RXFP2: variants seen among roughly 807,000 people sequenced by gnomAD.
The protein encoded by RXFP2 is relaxin family peptide receptor 2.
In RXFP2, 68 loss-of-function variants were observed where a neutral mutation model predicts 88.6. That is an observed-to-expected ratio of 0.77 (90% confidence interval 0.63 to 0.94). The LOEUF is 0.94. Ranked by LOEUF, RXFP2 falls within the 40% of genes least tolerant of loss-of-function variation. The pLI is 0.00. For synonymous variants in RXFP2, 329 were observed against 306.8 expected, an observed-to-expected ratio of 1.07 and a Z score of -0.76; for missense variants, 791 against 893.9, an observed-to-expected ratio of 0.88 and a Z score of 1.47.
chr13:31,745,403 A>T (rs1566211366), intron 1 of RXFP2, among the ~76,000 whole-genome samples: 1 of 152,078 alleles, frequency 6.6e-6, no homozygotes, highest in Non-Finnish European at 1.5e-5. Context: ...CAGTGGTATC[A>T]CCACTTCTTT....
chr13:31,792,983 G>T lies in RXFP2; in HGVS notation c.1681G>T (p.Asp561Tyr). 6.2e-7 allele frequency: 1 copy of T among 1,613,984 alleles called. No homozygotes were observed. The highest frequency in any genetic ancestry group is 8.5e-7 in the Non-Finnish European group (1 of 1,179,928). The change falls in exon 16 of 18, where the codon GAT becomes TAT. Residue 561 changes from aspartate (D) to tyrosine (Y), a missense_variant. By Grantham distance (160) the Asp-to-Tyr change is radical. Transcript: ENST00000298386. ...AGCTGTAATTCCATTTTGGAATAAG[G>T]ATTATTTTGGAAACTTTTATGGGAA... ...LIAVIPFWNK[D>Y]YFGNFYGKNG...
chr13:31,754,536 G>GA (rs370053719), intron 1 of RXFP2, among the ~76,000 whole-genome samples: 12 of 145,850 alleles, frequency 8.2e-5, no homozygotes, highest in Non-Finnish European at 1.1e-4. Context: ...ATCTCAAGAA[G>GA]AAAAAAAAAA....
At chr13:31,759,110 C>T (rs911113149) in intron 2 of RXFP2, among the ~76,000 whole-genome samples, 1 of 151,178 alleles carries the variant, frequency 6.6e-6, no homozygotes, top group Admixed American at 6.6e-5. Flanking sequence ...ATAGAACAGA[C>T]CTATACTGAG....
intron 16 of RXFP2, among the ~76,000 whole-genome samples, chr13:31,796,814 A>G (rs1442119065): frequency 6.6e-6 from 1 of 152,256 alleles, no homozygotes; most frequent in Non-Finnish European, 1.5e-5. Context: ...TAATTTGAAA[A>G]TCCAAAATTT....
At chr13:31,761,301 A>G (rs1268445406) in intron 2 of RXFP2, among the ~76,000 whole-genome samples, 2 of 152,214 alleles carry the variant, frequency 1.3e-5, no homozygotes, top group African/African-American at 4.8e-5. Context: ...AAAAAGTCAG[A>G]TGACATAAAT....
chr13:31,739,735 G>A (rs779817804), intron 1 of RXFP2, 29 bp downstream of exon 1: 5 of 1,364,904 alleles, frequency 3.7e-6, no homozygotes, highest in African/African-American at 2.9e-5. Flanking sequence ...CGTTTTAAAT[G>A]AGTGCAATTC....
chr13:31,771,093 T>A (rs939187519), intron 5 of RXFP2, among the ~76,000 whole-genome samples: 2 of 152,230 alleles, frequency 1.3e-5, no homozygotes, highest in African/African-American at 2.4e-5. Flanking sequence ...GAATCTTGAT[T>A]GTATGCCAGC....
rs1874107822 is a variant in RXFP2 at position 31,797,383 on chromosome 13, G to T, written c.1969G>T (p.Val657Phe). Reference sequence around the variant, plus strand: ...CATCTGCTGGATTCCTGTATTTGTAGTTAAAATCCTTTCCCTCTTCCGGGT... The same window carrying T: ...CATCTGCTGGATTCCTGTATTTGTATTTAAAATCCTTTCCCTCTTCCGGGT... ...DAICWIPVFV[V>F]KILSLFRVEI... is the part of the protein sequence containing the mutation. The change falls in exon 17 of 18, where the codon GTT becomes TTT. Residue 657 changes from valine to phenylalanine, a missense_variant. Val to Phe is a conservative substitution (Grantham distance 50). Transcript: ENST00000298386. The T allele has an allele frequency of 6.2e-7, 1 of 1,613,936 alleles. No homozygotes were observed. The highest frequency in any genetic ancestry group is 1.1e-5 in the South Asian group (1 of 91,088).
intron 2 of RXFP2, among the ~76,000 whole-genome samples, chr13:31,761,330 A>T (rs969512489): frequency 6.6e-5 from 10 of 152,242 alleles, no homozygotes; most frequent in Non-Finnish European, 1.2e-4. Flanking sequence ...AACTCAATAT[A>T]TCTATCAAGT....
intron 17 of RXFP2, among the ~76,000 whole-genome samples, chr13:31,799,683 G>C (rs917380336): frequency 6.6e-6 from 1 of 152,130 alleles, no homozygotes; most frequent in African/African-American, 2.4e-5. Flanking sequence ...ACCTCAATGA[G>C]ACTACCTCTA....
intron 1 of RXFP2, 98 bp downstream of exon 1, chr13:31,739,804 TA>T (rs139974858): frequency 0.015 from 10,561 of 689,320 alleles, 215 homozygotes; most frequent in African/African-American, 0.09. Flanking sequence ...TTGGGGTGTT[TA>T]AAAAAAAAAC....
Position 31,793,431 on chromosome 13 carries a change from CT to C in RXFP2, c.1786+357del, listed in dbSNP as rs35293680. Among the ~76,000 whole-genome samples the C allele has an allele frequency of 8.9e-3, 1,283 of 144,414 alleles. 9 individuals carry two copies. Among genetic ancestry groups the C allele is most frequent in the Admixed American group, 0.029 (419 of 14,602 alleles). The allele number at this position is 144,414 out of a possible 152,430, so 94.7% of individuals were successfully genotyped here. A position where few individuals can be genotyped will look rare whatever the true frequency, so the allele number is the denominator to read the frequency against. ...GTAAACCTACCAAGTTATTTAAACT[CT>C]TTTTTTTTTTTTTACAATCTAGTTA... On this transcript the variant is annotated intron_variant, in intron 16 of 17. Transcript: ENST00000298386.
In RXFP2 at chr13:31,802,180, T is replaced by C; in HGVS notation, c.2040T>C (p.Leu680=). Residue 680 remains leucine (L), a synonymous_variant, in exon 18 of 18, where the codon CTT becomes CTC. Transcript: ENST00000298386. ...TMTSWIVIFF[L]PVNSALNPIL... The stretch of plus-strand genomic sequence containing the variant: ...CTTCCTGGATAGTGATTTTTTTCCT[T>C]CCAGTTAACAGTGCTTTGAATCCAA... 6.2e-7 allele frequency: 1 copy of C among 1,614,108 alleles called. No homozygotes were observed. Among genetic ancestry groups the C allele is most frequent in the Non-Finnish European group, 8.5e-7 (1 of 1,179,974 alleles).
At position 31,786,446 on chromosome 13, in the gene RXFP2, A is replaced by T. The variant is rs9549106; in HGVS notation, c.993A>T (p.Leu331=). The change falls in exon 12 of 18, where the codon CTA becomes CTT. Residue 331 remains leucine (L), a synonymous_variant. Coordinates refer to ENST00000298386, the MANE Select transcript of RXFP2 (RefSeq NM_130806.5). ...SPHLFKDLKL[L]QKLNLSSNPL... The stretch of plus-strand genomic sequence containing the variant: ...ACCTTTTTAAAGACTTGAAGCTTCT[A>T]CAAAAGCTGTAAGTTCTACTTCTCA... 1.9e-5 allele frequency: 30 copies of T among 1,601,772 alleles called. No individual in the cohort carries two copies. The highest frequency in any genetic ancestry group is 2.4e-5 in the Non-Finnish European group (28 of 1,169,008).
intron 5 of RXFP2, among the ~76,000 whole-genome samples, chr13:31,768,422 G>A (rs1267076981): frequency 1.3e-5 from 2 of 152,144 alleles, no homozygotes; most frequent in Non-Finnish European, 2.9e-5. Context: ...CCAATATTTG[G>A]AATTTTCACT....
chr13:31,779,341 G>A (rs575271597), intron 9 of RXFP2, among the ~76,000 whole-genome samples: 1 of 151,938 alleles, frequency 6.6e-6, no homozygotes, highest in African/African-American at 2.4e-5. Flanking sequence ...GGCCAGGCTG[G>A]TCTTCAACCC....
intron 17 of RXFP2, among the ~76,000 whole-genome samples, chr13:31,798,706 T>C (rs1874175729): frequency 6.6e-6 from 1 of 152,208 alleles, no homozygotes; most frequent in Admixed American, 6.5e-5. Flanking sequence ...CCCACCCTCG[T>C]ACACTGTGAT....
intron 7 of RXFP2, among the ~76,000 whole-genome samples, chr13:31,776,550 C>T (rs1166986015): frequency 1.3e-5 from 2 of 152,080 alleles, no homozygotes; most frequent in South Asian, 2.1e-4. Context: ...AGAGCCACCA[C>T]GCCCAGCCCA....
chr13:31,767,460 T>C (rs1423827158), intron 5 of RXFP2, among the ~76,000 whole-genome samples: 1 of 152,200 alleles, frequency 6.6e-6, no homozygotes, highest in Non-Finnish European at 1.5e-5. Context: ...TCACAACATG[T>C]TCATTAGATG....
Sources: allele counts gnomAD v4.1 joint callset (sites outside exome capture counted in the v4.1 genomes callset), GRCh38; gene constraint gnomAD v4.1.1; transcripts MANE v1.5; gene names NCBI Gene and HGNC (gene_info 2026-07-23, HGNC 2026-07-21).